PCDHB9: variants seen among roughly 807,000 people sequenced by gnomAD.
PCDHB9 encodes the protein protocadherin beta-9.
For missense variants in PCDHB9, 1,072 were observed against 995.1 expected, an observed-to-expected ratio of 1.08 and a Z score of -1.04; for synonymous variants, 501 against 439.7, an observed-to-expected ratio of 1.14 and a Z score of -1.75.
Position 141,189,355 on chromosome 5 carries a change from C to T in PCDHB9, c.2037C>T (p.Ala679=), listed in dbSNP as rs782641634. ...PYLPLPEAAP[A]QAQADLLTVY... is the part of the protein sequence containing the mutation. Reference sequence around the variant, plus strand: ...TGCCTCTCCCGGAGGCGGCCCCGGCCCAGGCCCAGGCCGACTTGCTCACCG... The same window carrying T: ...TGCCTCTCCCGGAGGCGGCCCCGGCTCAGGCCCAGGCCGACTTGCTCACCG... Residue 679 remains alanine, a synonymous_variant, in exon 1 of 1, where the codon GCC becomes GCT. Coordinates refer to ENST00000316105, the MANE Select transcript of PCDHB9 (RefSeq NM_019119.5). 1.2e-6 allele frequency: 2 copies of T among 1,611,402 alleles called. No homozygotes were observed. Among genetic ancestry groups the T allele is most frequent in the South Asian group, 1.1e-5 (1 of 91,028 alleles).
Position 141,189,021 on chromosome 5 carries a change from G to A in PCDHB9, c.1703G>A (p.Gly568Asp). 1 of 1,610,046 alleles carries A rather than the reference G, an allele frequency of 6.2e-7. No homozygotes were observed. Among genetic ancestry groups the A allele is most frequent in the Non-Finnish European group, 8.5e-7 (1 of 1,179,618 alleles). ...TTCGTGCTGTACCCGCTGCAGAACG[G>A]CTCCGCGCCCTGCACCGAGCTGGTG... Reference protein sequence around the residue: ...SPFVLYPLQNGSAPCTELVPR... With the variant: ...SPFVLYPLQNDSAPCTELVPR... Residue 568 changes from glycine (G) to aspartate (D), a missense_variant, in exon 1 of 1, where the codon GGC becomes GAC. Gly to Asp is a moderately conservative substitution (Grantham distance 94). Transcript: ENST00000316105.
rs202035487 is a variant in PCDHB9, at chr5:141,190,178, G to GTTTTTTTTTTTTTTTTTTTTTTTTTTTT, written c.*469_*470insTTTTTTTTTTTTTTTTTTTTTTTTTTTT. On this transcript the variant is annotated 3_prime_UTR_variant, in exon 1 of 1. Coordinates refer to ENST00000316105, the MANE Select transcript of PCDHB9 (RefSeq NM_019119.5). The stretch of plus-strand genomic sequence containing the variant: ...TGTTTGTTTGTTTGTTTTTTGGTTT[G>GTTTTTTTTTTTTTTTTTTTTTTTTTTTT]TTTGTTTTTTTTTTTTTTGAGACGG... 8.0e-6 allele frequency: 1 copy of GTTTTTTTTTTTTTTTTTTTTTTTTTTTT among 125,000 alleles called. No homozygotes were observed. Among genetic ancestry groups the GTTTTTTTTTTTTTTTTTTTTTTTTTTTT allele is most frequent in the African/African-American group, 2.9e-5 (1 of 34,352 alleles). 7.7% of individuals were successfully genotyped at this position (125,000 alleles called of 1,614,324 possible).
rs1753856957 is a variant in PCDHB9, at chr5:141,189,834, TTA to T, written c.*124_*125del. On this transcript the variant is annotated 3_prime_UTR_variant, in exon 1 of 1. Coordinates refer to ENST00000316105, the MANE Select transcript of PCDHB9 (RefSeq NM_019119.5). ...TTTGATTCATCTTCAACTTTGCGTATTATGCTTAACTTCACAAGTTAACTTTT... is the reference window on the plus strand; with the variant it reads ...TTTGATTCATCTTCAACTTTGCGTATTGCTTAACTTCACAAGTTAACTTTT... The T allele has an allele frequency of 6.0e-6, 5 of 832,762 alleles. No homozygotes were observed. Among genetic ancestry groups the T allele is most frequent in the Non-Finnish European group, 9.1e-6 (5 of 550,624 alleles). The allele number at this position is 832,762 out of a possible 1,614,324, so 51.6% of individuals were successfully genotyped here. A position where few individuals can be genotyped will look rare whatever the true frequency, so the allele number is the denominator to read the frequency against.
At position 141,187,839 on chromosome 5, in the gene PCDHB9, C is replaced by A; in HGVS notation, c.521C>A (p.Ser174Tyr). 6.2e-7 allele frequency: 1 copy of A among 1,614,164 alleles called. No individual in the cohort carries two copies. Among genetic ancestry groups the A allele is most frequent in the Non-Finnish European group, 8.5e-7 (1 of 1,180,028 alleles). Residue 174 changes from serine to tyrosine, a missense_variant, in exon 1 of 1, where the codon TCC becomes TAC. Ser to Tyr is a moderately radical substitution (Grantham distance 144, BLOSUM62 -2). Transcript: ENST00000316105. ...AGTATCCAAAACTACACGATCAGCTCCAACTCTTTTTTCCATATTAAAATT... is the reference window on the plus strand; with the variant it reads ...AGTATCCAAAACTACACGATCAGCTACAACTCTTTTTTCCATATTAAAATT... ...HNSIQNYTIS[S>Y]NSFFHIKISG...
rs17844538 is a variant in PCDHB9, at chr5:141,189,271, T to G, written c.1953T>G (p.Pro651=). 6,487 of 1,602,368 alleles carry G rather than the reference T, an allele frequency of 4.0e-3. 18 individuals carry two copies. Among genetic ancestry groups the G allele is most frequent in the Middle Eastern group, 8.0e-3 (36 of 4,508 alleles). ...TTGTCAAGGACAATGGCGAGCCTCC[T>G]CGCTCGGCCACCGCCACGCTGCACG... is the stretch of plus-strand genomic sequence containing the variant. The part of the protein sequence containing the change: ...VVLVKDNGEP[P]RSATATLHVL... The change falls in exon 1 of 1, where the codon CCT becomes CCG. Residue 651 remains proline, a synonymous_variant. Transcript: ENST00000316105.
At position 141,189,364 on chromosome 5, in the gene PCDHB9, G is replaced by T; in HGVS notation, c.2046G>T (p.Gln682His). Residue 682 changes from glutamine (Q) to histidine (H), a missense_variant, in exon 1 of 1, where the codon CAG becomes CAT. Coordinates refer to ENST00000316105, the MANE Select transcript of PCDHB9 (RefSeq NM_019119.5). The part of the protein sequence containing the change: ...PLPEAAPAQA[Q>H]ADLLTVYLVV... ...CGGAGGCGGCCCCGGCCCAGGCCCA[G>T]GCCGACTTGCTCACCGTCTACCTGG... 1 of 1,611,630 alleles carries T rather than the reference G, an allele frequency of 6.2e-7. No individual in the cohort carries two copies. The highest frequency in any genetic ancestry group is 8.5e-7 in the Non-Finnish European group (1 of 1,179,808).
rs1554282822 is a variant in PCDHB9 at position 141,187,642 on chromosome 5, T to G, written c.324T>G (p.Ile108Met). The G allele has an allele frequency of 6.2e-7, 1 of 1,613,810 alleles. No individual in the cohort carries two copies. Among genetic ancestry groups the G allele is most frequent in the East Asian group, 2.2e-5 (1 of 44,864 alleles). ...PKEPCMLYFQILMDDPFQIYR... is the reference protein window; with the variant it reads ...PKEPCMLYFQMLMDDPFQIYR... Reference sequence around the variant, plus strand: ...AGCCCTGTATGCTGTATTTCCAAATTTTAATGGATGATCCCTTTCAGATTT... The same window carrying G: ...AGCCCTGTATGCTGTATTTCCAAATGTTAATGGATGATCCCTTTCAGATTT... The change falls in exon 1 of 1, where the codon ATT becomes ATG. Residue 108 changes from isoleucine to methionine, a missense_variant. Ile to Met is a conservative substitution (Grantham distance 10). Transcript: ENST00000316105.
At position 141,189,884 on chromosome 5, in the gene PCDHB9, G is replaced by T. The variant is rs539866129; in HGVS notation, c.*172G>T. 2.1e-5 allele frequency: 11 copies of T among 529,230 alleles called. No homozygotes were observed. The highest frequency in any genetic ancestry group is 4.2e-5 in the South Asian group (1 of 23,854). The allele number at this position is 529,230 out of a possible 1,614,324, so 32.8% of individuals were successfully genotyped here. On this transcript the variant is annotated 3_prime_UTR_variant, in exon 1 of 1. Transcript: ENST00000316105. Reference sequence around the variant, plus strand: ...TTTTCTTATTTTGTATCCTGATGAGGCATTTCTTACTAGAATCCCATAAGT... The same window carrying T: ...TTTTCTTATTTTGTATCCTGATGAGTCATTTCTTACTAGAATCCCATAAGT...
chr5:141,188,817 T>A lies in PCDHB9; in HGVS notation c.1499T>A (p.Leu500His). The part of the protein sequence containing the change: ...LLPPQDPHLP[L>H]ASLVSINADN... ...CCGCCCCAGGACCCACACCTGCCCC[T>A]CGCCTCCCTGGTCTCCATCAACGCG... Residue 500 changes from leucine (L) to histidine (H), a missense_variant, in exon 1 of 1, where the codon CTC becomes CAC. Transcript: ENST00000316105. 1 of 1,612,844 alleles carries A rather than the reference T, an allele frequency of 6.2e-7. No homozygotes were observed. The highest frequency in any genetic ancestry group is 1.1e-5 in the South Asian group (1 of 91,018).
rs782432450 is a variant in PCDHB9, at chr5:141,187,381, G to A, written c.63G>A (p.Trp21Ter). 38 of 1,614,126 alleles carry A rather than the reference G, an allele frequency of 2.4e-5. No individual in the cohort carries two copies. Among genetic ancestry groups the A allele is most frequent in the Non-Finnish European group, 3.1e-5 (37 of 1,180,030 alleles). The change falls in exon 1 of 1, where the codon TGG becomes TGA. Residue 21 changes from tryptophan (W) to a stop codon, truncating the protein, a stop_gained. Transcript: ENST00000316105. LOFTEE classifies it low-confidence loss of function (END_TRUNC). The part of the protein sequence containing the change: ...QRQVLFLFLF[W>*]GVSLAGSGFG... ...AAGTCCTGTTTCTTTTTCTTTTCTG[G>A]GGAGTGTCCTTGGCAGGTTCTGGGT... is the stretch of plus-strand genomic sequence containing the variant.
chr5:141,188,854 C>T lies in PCDHB9; in HGVS notation c.1536C>T (p.His512=). 1 of 1,612,886 alleles carries T rather than the reference C, an allele frequency of 6.2e-7. No individual in the cohort carries two copies. Among genetic ancestry groups the T allele is most frequent in the Non-Finnish European group, 8.5e-7 (1 of 1,179,968 alleles). The part of the protein sequence containing the change: ...SLVSINADNG[H]LFALRSLDYE... Reference sequence around the variant, plus strand: ...TCTCCATCAACGCGGACAATGGCCACCTGTTTGCCCTCAGGTCGCTGGACT... The same window carrying T: ...TCTCCATCAACGCGGACAATGGCCATCTGTTTGCCCTCAGGTCGCTGGACT... Residue 512 remains histidine (H), a synonymous_variant, in exon 1 of 1, where the codon CAC becomes CAT. Transcript: ENST00000316105.
rs1209435443 is a variant in PCDHB9 at position 141,189,532 on chromosome 5, C to T, written c.2214C>T (p.Asp738=). 9 of 1,613,956 alleles carry T rather than the reference C, an allele frequency of 5.6e-6. No individual in the cohort carries two copies. In the African/African-American group the frequency reaches 8.0e-5, roughly 14 times the overall value. ...GTCCTTTTCCAGGGCATCTGGTGGACGTGAGCGGCACCGGGACCCTGTTCC... is the reference window on the plus strand; with the variant it reads ...GTCCTTTTCCAGGGCATCTGGTGGATGTGAGCGGCACCGGGACCCTGTTCC... ...PEGPFPGHLV[D]VSGTGTLFQS... Residue 738 remains aspartate, a synonymous_variant, in exon 1 of 1, where the codon GAC becomes GAT. Transcript: ENST00000316105.
rs200909440 is a variant in PCDHB9, at chr5:141,187,669, C to T, written c.351C>T (p.Tyr117=). Residue 117 remains tyrosine (Y), a synonymous_variant, in exon 1 of 1, where the codon TAC becomes TAT. Coordinates refer to ENST00000316105, the MANE Select transcript of PCDHB9 (RefSeq NM_019119.5). The stretch of plus-strand genomic sequence containing the variant: ...TAATGGATGATCCCTTTCAGATTTA[C>T]CGGGCTGAGCTGAGAGTCAGGGATA... ...QILMDDPFQI[Y]RAELRVRDIN... is the part of the protein sequence containing the mutation. The T allele has an allele frequency of 6.1e-5, 98 of 1,613,818 alleles. No homozygotes were observed. The highest frequency in any genetic ancestry group is 1.6e-4 in the Middle Eastern group (1 of 6,084).
Position 141,187,540 on chromosome 5 carries a change from C to T in PCDHB9, c.222C>T (p.Tyr74=). The T allele has an allele frequency of 6.2e-7, 1 of 1,608,052 alleles. No homozygotes were observed. Among genetic ancestry groups the T allele is most frequent in the South Asian group, 1.1e-5 (1 of 90,860 alleles). ...TGGTTTCCGATGATAACAAACAATACCTGCTCCTGGATTCACATACCGGGA... is the reference window on the plus strand; with the variant it reads ...TGGTTTCCGATGATAACAAACAATATCTGCTCCTGGATTCACATACCGGGA... ...TRVVSDDNKQ[Y]LLLDSHTGNL... is the part of the protein sequence containing the mutation. The change falls in exon 1 of 1, where the codon TAC becomes TAT. Residue 74 remains tyrosine, a synonymous_variant. Coordinates refer to ENST00000316105, the MANE Select transcript of PCDHB9 (RefSeq NM_019119.5).
Position 141,187,523 on chromosome 5 carries a change from G to C in PCDHB9, c.205G>C (p.Asp69His), listed in dbSNP as rs782596051. 1.2e-6 allele frequency: 2 copies of C among 1,608,644 alleles called. No homozygotes were observed. Among genetic ancestry groups the C allele is most frequent in the Non-Finnish European group, 1.7e-6 (2 of 1,176,204 alleles). ...TGCAAGGGGAACCAGGGTGGTTTCCGATGATAACAAACAATACCTGCTCCT... is the reference window on the plus strand; with the variant it reads ...TGCAAGGGGAACCAGGGTGGTTTCCCATGATAACAAACAATACCTGCTCCT... ...LAARGTRVVS[D>H]DNKQYLLLDS... Residue 69 changes from aspartate (D) to histidine (H), a missense_variant, in exon 1 of 1, where the codon GAT becomes CAT. Transcript: ENST00000316105.
rs1554282925 is a variant in PCDHB9 at position 141,188,130 on chromosome 5, C to G, written c.812C>G (p.Ser271Ter). 2.5e-6 allele frequency: 4 copies of G among 1,612,786 alleles called. No homozygotes were observed. In the South Asian group the frequency reaches 3.3e-5, roughly 13 times the overall value. ...AAAGTGTCTGCAGGAGATGCAGACT[C>G]AGGAGTCAATGCAGAAGTATCCTAT... ...IVKVSAGDAD[S>*]GVNAEVSYSF... Residue 271 changes from serine to a stop codon, truncating the protein, a stop_gained, in exon 1 of 1, where the codon TCA becomes TGA. Coordinates refer to ENST00000316105, the MANE Select transcript of PCDHB9 (RefSeq NM_019119.5). LOFTEE classifies it low-confidence loss of function (END_TRUNC).
At position 141,188,763 on chromosome 5, in the gene PCDHB9, C is replaced by G; in HGVS notation, c.1445C>G (p.Thr482Ser). ...AGCGCCACAGACAGAGACTCAGGCA[C>G]CAACGCCCAGGTCACCTACTCGCTG... ...SVSATDRDSG[T>S]NAQVTYSLLP... Residue 482 changes from threonine (T) to serine (S), a missense_variant, in exon 1 of 1, where the codon ACC becomes AGC. By Grantham distance (58) the Thr-to-Ser change is moderately conservative. Coordinates refer to ENST00000316105, the MANE Select transcript of PCDHB9 (RefSeq NM_019119.5). The G allele has an allele frequency of 6.2e-7, 1 of 1,613,104 alleles. No individual in the cohort carries two copies. Among genetic ancestry groups the G allele is most frequent in the Non-Finnish European group, 8.5e-7 (1 of 1,180,042 alleles).
rs558452646 is a variant in PCDHB9, at chr5:141,189,257, A to T, written c.1939A>T (p.Asn647Tyr). 8.1e-6 allele frequency: 13 copies of T among 1,607,708 alleles called. No individual in the cohort carries two copies. The East Asian group carries it at 2.7e-4, about 33-fold the overall frequency. The change falls in exon 1 of 1, where the codon AAT (asparagine) becomes TAT (tyrosine). Residue 647 changes from asparagine to tyrosine, a missense_variant. Physicochemically the swap from Asn to Tyr is moderately radical, Grantham distance 143. Transcript: ENST00000316105. The part of the protein sequence containing the change: ...KHRLVVLVKD[N>Y]GEPPRSATAT... ...CAGGCTGGTGGTGCTTGTCAAGGAC[A>T]ATGGCGAGCCTCCTCGCTCGGCCAC...
rs376496616 is a variant in PCDHB9, at chr5:141,188,110, G to A, written c.792G>A (p.Val264=). The stretch of plus-strand genomic sequence containing the variant: ...CAGTAGGGTCCCTTATTGTTAAAGT[G>A]TCTGCAGGAGATGCAGACTCAGGAG... ...NSPVGSLIVK[V]SAGDADSGVN... is the part of the protein sequence containing the mutation. The change falls in exon 1 of 1, where the codon GTG becomes GTA. Residue 264 remains valine (V), a synonymous_variant. Coordinates refer to ENST00000316105, the MANE Select transcript of PCDHB9 (RefSeq NM_019119.5). 90 of 1,613,482 alleles carry A rather than the reference G, an allele frequency of 5.6e-5. No homozygotes were observed. Among genetic ancestry groups the A allele is most frequent in the Non-Finnish European group, 7.3e-5 (86 of 1,179,706 alleles).
Sources: allele counts gnomAD v4.1 joint callset, GRCh38; gene constraint gnomAD v4.1.1; transcripts MANE v1.5; gene names NCBI Gene and HGNC (gene_info 2026-07-23, HGNC 2026-07-21).